Variants in MAPRE3 observed in about 807,000 individuals in gnomAD.
MAPRE3 encodes the protein microtubule-associated protein RP/EB family member 3.
In MAPRE3, 2 loss-of-function variants were observed where a neutral mutation model predicts 30.5. That is an observed-to-expected ratio of 0.07 (90% CI 0.03 to 0.21). The LOEUF is 0.21. MAPRE3 is among the 10% of genes least tolerant of loss of function. MAPRE3 has a pLI of 1.00. For synonymous variants in MAPRE3, 110 were observed against 127.7 expected, an observed-to-expected ratio of 0.86 and a Z score of 0.93; for missense variants, 204 against 351.8, an observed-to-expected ratio of 0.58 and a Z score of 3.36.
At chr2:26,989,079 T>C (rs891080360) in intron 1 of MAPRE3, among the ~76,000 whole-genome samples, 6 of 152,166 alleles carry the variant, frequency 3.9e-5, no homozygotes, top group African/African-American at 1.4e-4. Flanking sequence ...TTTTTCATAA[T>C]AGCCACGTAA....
intron 1 of MAPRE3, among the ~76,000 whole-genome samples, chr2:27,018,639 C>A (rs1024979363): frequency 6.6e-6 from 1 of 152,098 alleles, no homozygotes; most frequent in Non-Finnish European, 1.5e-5. Context: ...AAATCAGATG[C>A]CCTTTCCTTG....
At chr2:26,973,047 A>G (rs983800572) in intron 1 of MAPRE3, among the ~76,000 whole-genome samples, 18 of 152,238 alleles carry the variant, frequency 1.2e-4, no homozygotes, top group Admixed American at 3.3e-4. Flanking sequence ...GTAGGACTGT[A>G]TTCTTGATTC....
At chr2:27,021,458 T>C (rs1475125138) in intron 1 of MAPRE3, among the ~76,000 whole-genome samples, 1 of 152,174 alleles carries the variant, frequency 6.6e-6, no homozygotes, top group Non-Finnish European at 1.5e-5. Context: ...GGAAAGGTTG[T>C]GGACAAGCAG....
chr2:26,993,026 T>C (rs567863954), intron 1 of MAPRE3, among the ~76,000 whole-genome samples: 16 of 152,308 alleles, frequency 1.1e-4, no homozygotes, highest in African/African-American at 3.8e-4. Flanking sequence ...TTCCTTTCTC[T>C]GGAAATACCA....
At chr2:27,019,197 A>T (rs1667058614) in intron 1 of MAPRE3, among the ~76,000 whole-genome samples, 1 of 152,050 alleles carries the variant, frequency 6.6e-6, no homozygotes, top group Admixed American at 6.6e-5. Context: ...ACCCGCTCTC[A>T]CACACATGAT....
At chr2:26,996,506 T>C (rs1204345807) in intron 1 of MAPRE3, among the ~76,000 whole-genome samples, 1 of 152,104 alleles carries the variant, frequency 6.6e-6, no homozygotes, top group African/African-American at 2.4e-5. Context: ...GTTTCCTTGT[T>C]AAACCCTTCA....
At chr2:27,023,668 C>T in intron 3 of MAPRE3, 191 bp downstream of exon 3, 1 of 637,048 alleles carries the variant, frequency 1.6e-6, no homozygotes, top group African/African-American at 1.8e-5. Context: ...CTTGCCATGC[C>T]ATCATGACAA....
chr2:26,990,041 C>T (rs889721518), intron 1 of MAPRE3, among the ~76,000 whole-genome samples: 1 of 152,106 alleles, frequency 6.6e-6, no homozygotes, highest in Non-Finnish European at 1.5e-5. Flanking sequence ...TATCTGGGTA[C>T]AGTGGTGCGT....
intron 1 of MAPRE3, among the ~76,000 whole-genome samples, chr2:26,999,008 G>A (rs1666526562): frequency 6.6e-6 from 1 of 152,186 alleles, no homozygotes. Context: ...CATGAGCTTG[G>A]CCTTGAAAGG....
intron 1 of MAPRE3, among the ~76,000 whole-genome samples, chr2:26,996,529 G>A (rs1028456966): frequency 2.0e-5 from 3 of 152,104 alleles, no homozygotes; most frequent in South Asian, 2.1e-4. Flanking sequence ...AGGGCCGGGC[G>A]CGGTGGTTTA....
intron 1 of MAPRE3, among the ~76,000 whole-genome samples, chr2:26,989,221 T>C (rs1457543933): frequency 6.6e-6 from 1 of 152,232 alleles, no homozygotes; most frequent in African/African-American, 2.4e-5. Context: ...GTAGAATTTC[T>C]GATGGCTGTT....
chr2:26,994,205 A>G lies in MAPRE3; in HGVS notation c.-8+23403A>G, dbSNP rs140133588. 1.6e-3 allele frequency among the ~76,000 whole-genome samples: 246 copies of G among 152,330 alleles called. 1 individual carries two copies. Among genetic ancestry groups the G allele is most frequent in the African/African-American group, 5.7e-3 (238 of 41,578 alleles). ...ATTATCAGCTTTTCTTGAGGTCACC[A>G]AGCCCTGAGAAAACTGACTTACATT... On this transcript the variant is annotated intron_variant, in intron 1 of 6. Transcript: ENST00000233121.
intron 4 of MAPRE3, 38 bp from the exon 5 acceptor site, chr2:27,025,545 G>A: frequency 6.5e-7 from 1 of 1,532,696 alleles, no homozygotes; most frequent in Non-Finnish European, 8.8e-7. Context: ...TGCGCTGTGG[G>A]CTCACGTGGA....
chr2:26,991,875 CCTT>C (rs987849839), intron 1 of MAPRE3, among the ~76,000 whole-genome samples: 4 of 152,298 alleles, frequency 2.6e-5, no homozygotes, highest in African/African-American at 9.6e-5. Flanking sequence ...TTCCTCCTCT[CCTT>C]CTCTTATTGA....
Position 27,013,075 on chromosome 2 carries a change from T to G in MAPRE3, c.-7-9137T>G, listed in dbSNP as rs552423947. ...GGCTTGTTATGTGTCCCCAGAGACA[T>G]GGATGTGCTTTTGGAACTTGAAGGA... is the stretch of plus-strand genomic sequence containing the variant. On this transcript the variant is annotated intron_variant, in intron 1 of 6. Coordinates refer to ENST00000233121, the MANE Select transcript of MAPRE3 (RefSeq NM_012326.4). 3.3e-5 allele frequency: 5 copies of G among 152,588 alleles called. No individual in the cohort carries two copies. The South Asian group carries it at 1.0e-3, about 32-fold the overall frequency. 9.5% of individuals were successfully genotyped at this position (152,588 alleles called of 1,614,324 possible).
At chr2:27,012,638 A>T (rs187509740) in intron 1 of MAPRE3, 5 of 152,774 alleles carry the variant, frequency 3.3e-5, no homozygotes, top group Admixed American at 1.3e-4. Context: ...GACTGTCTCC[A>T]CGTGGGGTTA....
At chr2:27,006,997 C>G (rs903375510) in intron 1 of MAPRE3, among the ~76,000 whole-genome samples, 3 of 152,186 alleles carry the variant, frequency 2.0e-5, no homozygotes, top group African/African-American at 7.2e-5. Flanking sequence ...CTGATAAGAA[C>G]TATCTCCAGT....
chr2:27,021,087 T>C (rs1667101995), intron 1 of MAPRE3, among the ~76,000 whole-genome samples: 1 of 152,212 alleles, frequency 6.6e-6, no homozygotes, highest in South Asian at 2.1e-4. Flanking sequence ...GACATGGTAG[T>C]AGGTATTATA....
chr2:26,981,075 G>A (rs1335510647), intron 1 of MAPRE3, among the ~76,000 whole-genome samples: 1 of 152,104 alleles, frequency 6.6e-6, no homozygotes, highest in Non-Finnish European at 1.5e-5. Context: ...GTGGGGGAGG[G>A]AGAGGGTTGG....
Sources: gnomAD v4.1 joint callset for allele counts (sites outside exome capture counted in the v4.1 genomes callset) on GRCh38, gnomAD v4.1.1 for gene constraint, MANE v1.5 for transcripts, NCBI Gene and HGNC (gene_info 2026-07-23, HGNC 2026-07-21) for gene names.